MTSS1: variants seen among roughly 807,000 people sequenced by gnomAD.
The protein encoded by MTSS1 is protein MTSS 1.
A neutral mutation model predicts 79.0 loss-of-function variants in MTSS1; 18 were observed. The observed-to-expected ratio is 0.23, with a 90% CI of 0.16 to 0.34. The LOEUF (loss-of-function observed/expected upper bound fraction) is 0.34. Ranked by LOEUF, MTSS1 falls within the 10% of genes least tolerant of loss-of-function variation. The pLI is 1.00. For synonymous variants in MTSS1, 341 were observed against 368.6 expected (o/e 0.93, Z 0.86); for missense variants, 815 against 986.2 (o/e 0.83, Z 2.33).
intron 1 of MTSS1, among the ~76,000 whole-genome samples, chr8:124,714,679 C>T (rs1587954263): frequency 6.6e-6 from 1 of 151,930 alleles, no homozygotes. Context: ...GACAGGCTGG[C>T]CTTGAACTCC....
At chr8:124,637,103 T>C (rs1003698750) in intron 3 of MTSS1, among the ~76,000 whole-genome samples, 2 of 152,042 alleles carry the variant, frequency 1.3e-5, no homozygotes, top group Non-Finnish European at 1.5e-5. Context: ...CCCTAAAAGA[T>C]GAGGAAACGC....
intron 3 of MTSS1, among the ~76,000 whole-genome samples, chr8:124,696,537 T>C (rs1828852871): frequency 6.6e-6 from 1 of 152,056 alleles, no homozygotes; most frequent in African/African-American, 2.4e-5. Context: ...CTAAAAATGA[T>C]CTGAAATCCC....
chr8:124,567,664 A>T, intron 7 of MTSS1: 1 of 1,401,474 alleles, frequency 7.1e-7, no homozygotes. Flanking sequence ...GTAAAAGACA[A>T]GTAAGACAGG....
chr8:124,651,196 G>A (rs999733687), intron 3 of MTSS1, among the ~76,000 whole-genome samples: 2 of 152,044 alleles, frequency 1.3e-5, no homozygotes, highest in Admixed American at 1.3e-4. Flanking sequence ...CCTAAGAAAG[G>A]CCACCTCCTA....
chr8:124,618,033 C>T (rs1812742452), intron 3 of MTSS1, among the ~76,000 whole-genome samples: 1 of 152,078 alleles, frequency 6.6e-6, no homozygotes, highest in Non-Finnish European at 1.5e-5. Flanking sequence ...TGTAAGAGTA[C>T]TCACCCCTTC....
In MTSS1 at chr8:124,561,960, C is replaced by T. The variant is rs1032699864; in HGVS notation, c.1035+822G>A. On this transcript the variant is annotated intron_variant, in intron 10 of 13. Transcript: ENST00000518547. Reference sequence around the variant, plus strand: ...GATGGCTGAAAAATGCTAATGGGAGCGCTGAGCTGTGAGGAGAGGAACGCA... The same window carrying T: ...GATGGCTGAAAAATGCTAATGGGAGTGCTGAGCTGTGAGGAGAGGAACGCA... Among the ~76,000 whole-genome samples the T allele has an allele frequency of 2.0e-5, 3 of 152,190 alleles. No individual in the cohort carries two copies. In the East Asian group the frequency reaches 5.8e-4, roughly 29 times the overall value.
intron 3 of MTSS1, among the ~76,000 whole-genome samples, chr8:124,625,734 C>T (rs1212382046): frequency 6.6e-6 from 1 of 152,222 alleles, no homozygotes; most frequent in African/African-American, 2.4e-5. Flanking sequence ...TGTAGCTATG[C>T]TGCCTTCTTT....
intron 2 of MTSS1, among the ~76,000 whole-genome samples, chr8:124,702,933 C>G (rs1159921792): frequency 6.6e-6 from 1 of 152,178 alleles, no homozygotes; most frequent in African/African-American, 2.4e-5. Context: ...TTTTCTATTT[C>G]ATATCACATG....
chr8:124,626,826 G>C (rs139696017), intron 3 of MTSS1, among the ~76,000 whole-genome samples: 2 of 152,210 alleles, frequency 1.3e-5, no homozygotes, highest in African/African-American at 2.4e-5. Flanking sequence ...ACAGACAAAA[G>C]GAAAAGGCAA....
At chr8:124,604,071 G>A (rs151103800) in intron 3 of MTSS1, among the ~76,000 whole-genome samples, 149 of 152,234 alleles carry the variant, frequency 9.8e-4, no homozygotes, top group African/African-American at 3.2e-3. Context: ...AAATTAGCTG[G>A]GCGTGGAGGC....
chr8:124,639,380 C>G (rs1587496626), intron 3 of MTSS1, among the ~76,000 whole-genome samples: 1 of 152,102 alleles, frequency 6.6e-6, no homozygotes, highest in Admixed American at 6.5e-5. Context: ...AAAATTATCA[C>G]AACAAAACAA....
chr8:124,616,454 C>T (rs1836887044), intron 3 of MTSS1, among the ~76,000 whole-genome samples: 1 of 151,912 alleles, frequency 6.6e-6, no homozygotes, highest in Non-Finnish European at 1.5e-5. Flanking sequence ...CGACATCCTG[C>T]CCATGGCTAG....
intron 7 of MTSS1, 194 bp downstream of exon 7, chr8:124,568,185 G>A (rs1478197423): frequency 9.9e-6 from 7 of 705,682 alleles, no homozygotes; most frequent in Non-Finnish European, 1.6e-5. Context: ...GGGAACAAGT[G>A]GTACTAGAAC....
At chr8:124,666,171 G>C (rs1419373770) in intron 3 of MTSS1, among the ~76,000 whole-genome samples, 1 of 152,156 alleles carries the variant, frequency 6.6e-6, no homozygotes. Context: ...CCTGGGGTGG[G>C]GACTGGATCA....
chr8:124,557,039 C>G (rs1334486695), intron 11 of MTSS1, among the ~76,000 whole-genome samples: 1 of 152,246 alleles, frequency 6.6e-6, no homozygotes, highest in African/African-American at 2.4e-5. Context: ...GGGTCCTCCT[C>G]TCAAAAGAGA....
intron 3 of MTSS1, among the ~76,000 whole-genome samples, chr8:124,644,007 G>A (rs1818561343): frequency 6.6e-6 from 1 of 152,128 alleles, no homozygotes; most frequent in Non-Finnish European, 1.5e-5. Context: ...ACACTAAAGA[G>A]AAGCCAACTG....
intron 6 of MTSS1, among the ~76,000 whole-genome samples, chr8:124,573,754 G>A (rs962423568): frequency 6.6e-6 from 1 of 152,228 alleles, no homozygotes; most frequent in Non-Finnish European, 1.5e-5. Flanking sequence ...GCAAAGAATT[G>A]CTTTCGGCTT....
chr8:124,637,749 G>T (rs539977439), intron 3 of MTSS1, among the ~76,000 whole-genome samples: 14 of 152,280 alleles, frequency 9.2e-5, no homozygotes, highest in African/African-American at 3.4e-4. Context: ...GTCTAAGTGA[G>T]GGGGGGTAAT....
intron 13 of MTSS1, among the ~76,000 whole-genome samples, chr8:124,555,355 C>T (rs1250577390): frequency 6.6e-6 from 1 of 152,128 alleles, no homozygotes; most frequent in Non-Finnish European, 1.5e-5. Flanking sequence ...ACGCCATTCT[C>T]CTGCCTCAGC....
Sources: allele counts gnomAD v4.1 joint callset (sites outside exome capture counted in the v4.1 genomes callset), GRCh38; gene constraint gnomAD v4.1.1; transcripts MANE v1.5; gene names NCBI Gene and HGNC (gene_info 2026-07-23, HGNC 2026-07-21).